The following APBA2 variants were observed in gnomAD, a reference collection of about 807,000 sequenced individuals.
APBA2 encodes amyloid beta precursor protein binding family A member 2.
Under a neutral mutation model 75.0 loss-of-function variants are expected in APBA2, and 30 were observed. The observed-to-expected ratio is 0.40, with a 90% confidence interval of 0.30 to 0.54. The LOEUF is 0.54. Among genes scored for constraint, APBA2 ranks in the 20% least tolerant of loss-of-function variants. The probability of loss-of-function intolerance (pLI) is 0.49; values close to 1 mark genes in which losing one functional copy is unlikely to be tolerated. For synonymous variants in APBA2, 444 were observed against 409.6 expected (o/e 1.08, Z -1.01); for missense variants, 801 against 1,016.1 (o/e 0.79, Z 2.88).
intron 4 of APBA2, 39 bp from the exon 5 acceptor site, chr15:29,074,882 A>C (rs1164606171): frequency 6.3e-7 from 1 of 1,597,734 alleles, no homozygotes; most frequent in Non-Finnish European, 8.6e-7. Flanking sequence ...GCATTTCTCT[A>C]ACATATAAAA....
chr15:29,011,976 T>C (rs542589302), intron 3 of APBA2, among the ~76,000 whole-genome samples: 31 of 152,376 alleles, frequency 2.0e-4, no homozygotes, highest in African/African-American at 7.0e-4. Flanking sequence ...AACTTTCTTT[T>C]TTAACTTACT....
At chr15:29,116,947 G>T (rs1221280059) in intron 14 of APBA2, 115 bp from the exon 15 acceptor site, 1 of 1,142,548 alleles carries the variant, frequency 8.8e-7, no homozygotes, top group Non-Finnish European at 1.3e-6. Context: ...CTTCACTCTA[G>T]GAGATGGGCA....
chr15:28,894,959 G>T (rs945170483), intron 1 of APBA2, among the ~76,000 whole-genome samples: 1 of 152,082 alleles, frequency 6.6e-6, no homozygotes, highest in African/African-American at 2.4e-5. Context: ...TCATTGGGGG[G>T]CTCCAGAGCC....
At chr15:28,973,778 G>A (rs2152756295) in intron 2 of APBA2, among the ~76,000 whole-genome samples, 1 of 152,294 alleles carries the variant, frequency 6.6e-6, no homozygotes, top group South Asian at 2.1e-4. Context: ...GAGCAAAAGA[G>A]GAACAGAGAA....
chr15:28,961,883 C>A (rs1051285646), intron 2 of APBA2, among the ~76,000 whole-genome samples: 1 of 152,106 alleles, frequency 6.6e-6, no homozygotes, highest in Non-Finnish European at 1.5e-5. Context: ...CTAATTCTAT[C>A]ATTTTCTTTT....
At chr15:29,107,651 C>T (rs1435803700) in intron 12 of APBA2, among the ~76,000 whole-genome samples, 2 of 152,172 alleles carry the variant, frequency 1.3e-5, no homozygotes, top group Non-Finnish European at 2.9e-5. Flanking sequence ...CCACCAGTGG[C>T]ACCAGAGGGC....
intron 1 of APBA2, among the ~76,000 whole-genome samples, chr15:28,888,865 G>A (rs2031936773): frequency 6.6e-6 from 1 of 152,216 alleles, no homozygotes; most frequent in Admixed American, 6.5e-5. Context: ...CAGGTAGGAT[G>A]TAAGGTAGCC....
rs1450692799 is a variant in APBA2, at chr15:28,901,396, A to G, written c.-205+15118A>G. ...ACGGCAGGGCCCTGTGGCTTGGGCC[A>G]GGCTCTCTCTATGGTCTCCTGGCTG... On this transcript the variant is annotated intron_variant, in intron 1 of 14. Coordinates refer to ENST00000683413, the MANE Select transcript of APBA2 (RefSeq NM_001353788.2). 2.8e-5 allele frequency among the ~76,000 whole-genome samples: 4 copies of G among 144,452 alleles called. No homozygotes were observed. In the East Asian group the frequency reaches 9.4e-4, roughly 34 times the overall value. The allele number at this position is 144,452 out of a possible 152,430, so 94.8% of individuals were successfully genotyped here. A position where few individuals can be genotyped will look rare whatever the true frequency, so the allele number is the denominator to read the frequency against.
chr15:29,116,622 C>T (rs2045177256), intron 14 of APBA2, among the ~76,000 whole-genome samples: 2 of 145,480 alleles, frequency 1.4e-5, no homozygotes, highest in East Asian at 2.0e-4. Context: ...AGCAAGACTC[C>T]GTCTCAAAAA....
Position 29,098,492 on chromosome 15 carries a change from T to C in APBA2, c.1254T>C (p.Asn418=), listed in dbSNP as rs2043960179. The change falls in exon 9 of 15, where the codon AAT becomes AAC. Residue 418 remains asparagine, a splice_region_variant and synonymous_variant. Coordinates refer to ENST00000683413, the MANE Select transcript of APBA2 (RefSeq NM_001353788.2). ...QKAAKIKKKA[N]SEGDAQTLTE... Reference sequence around the variant, plus strand: ...ACAATATCCACTGTCCTTCTTAGAATTCTGAGGGGGATGCCCAGACGCTGA... The same window carrying C: ...ACAATATCCACTGTCCTTCTTAGAACTCTGAGGGGGATGCCCAGACGCTGA... 1 of 1,613,528 alleles carries C rather than the reference T, an allele frequency of 6.2e-7. No homozygotes were observed. The highest frequency in any genetic ancestry group is 1.3e-5 in the African/African-American group (1 of 74,928).
At chr15:28,967,386 G>C (rs2036793570) in intron 2 of APBA2, among the ~76,000 whole-genome samples, 1 of 152,164 alleles carries the variant, frequency 6.6e-6, no homozygotes, top group Non-Finnish European at 1.5e-5. Context: ...GAAGTTGATA[G>C]TCTTTTCAAG....
intron 6 of APBA2, among the ~76,000 whole-genome samples, chr15:29,082,823 G>C (rs921520406): frequency 6.6e-6 from 1 of 152,144 alleles, no homozygotes; most frequent in African/African-American, 2.4e-5. Context: ...CACTTTGGGA[G>C]GCCAAGGTGG....
chr15:28,947,746 A>G (rs972579493), intron 2 of APBA2, among the ~76,000 whole-genome samples: 11 of 152,204 alleles, frequency 7.2e-5, no homozygotes, highest in Non-Finnish European at 1.6e-4. Flanking sequence ...TAGAGACTCA[A>G]ACCACCTTGT....
intron 2 of APBA2, among the ~76,000 whole-genome samples, chr15:28,942,945 CA>C (rs1208084011): frequency 2.0e-5 from 3 of 152,230 alleles, no homozygotes; most frequent in African/African-American, 7.2e-5. Context: ...TCCTCGTTCT[CA>C]GGGGGGGCTT....
At position 28,947,662 on chromosome 15, in the gene APBA2, T is replaced by C. The variant is rs2035620627; in HGVS notation, c.-95+25913T>C. ...ATGGAGAGGCAGCCCCACAGCCTCC[T>C]GGGAACCAGAGCTCCTTGCCTGGGT... On this transcript the variant is annotated intron_variant, in intron 2 of 14. Coordinates refer to ENST00000683413, the MANE Select transcript of APBA2 (RefSeq NM_001353788.2). Among the ~76,000 whole-genome samples, 3 of 152,238 alleles carry C rather than the reference T, an allele frequency of 2.0e-5. No homozygotes were observed. The South Asian group carries it at 6.2e-4, about 32-fold the overall frequency.
At chr15:28,997,591 C>T (rs2038597634) in intron 3 of APBA2, among the ~76,000 whole-genome samples, 1 of 152,062 alleles carries the variant, frequency 6.6e-6, no homozygotes, top group South Asian at 2.1e-4. Flanking sequence ...TTCTGGGAGC[C>T]CAGGGTTAAG....
In APBA2 at chr15:29,103,367, C is replaced by T. The variant is rs187505661; in HGVS notation, c.1524+1583C>T. Among the ~76,000 whole-genome samples the T allele has an allele frequency of 8.4e-3, 1,284 of 152,362 alleles. 18 individuals carry two copies. Among genetic ancestry groups the T allele is most frequent in the African/African-American group, 0.029 (1,215 of 41,594 alleles). On this transcript the variant is annotated intron_variant, in intron 10 of 14. Coordinates refer to ENST00000683413, the MANE Select transcript of APBA2 (RefSeq NM_001353788.2). ...TGCCCACAGCCCACTTGCAGGAGGC[C>T]GCTTGAGCCCTGAGGTGGGGCCTGG... is the stretch of plus-strand genomic sequence containing the variant.
chr15:29,107,902 C>T (rs193066900), intron 12 of APBA2, among the ~76,000 whole-genome samples: 28 of 152,322 alleles, frequency 1.8e-4, no homozygotes, highest in East Asian at 5.8e-4. Flanking sequence ...GTCCCGAATT[C>T]GGCATGATGA....
chr15:28,910,588 G>A (rs2033383433), intron 1 of APBA2, among the ~76,000 whole-genome samples: 7 of 152,200 alleles, frequency 4.6e-5, no homozygotes, highest in Admixed American at 4.6e-4. Flanking sequence ...CCTGGGCTGT[G>A]CCGAAAGTCT....
Sources: gnomAD v4.1 joint callset for allele counts (sites outside exome capture counted in the v4.1 genomes callset) on GRCh38, gnomAD v4.1.1 for gene constraint, MANE v1.5 for transcripts, NCBI Gene and HGNC (gene_info 2026-07-23, HGNC 2026-07-21) for gene names.